CEP350: variants seen among roughly 807,000 people sequenced by gnomAD.
CEP350 encodes the protein centrosomal protein 350.
A neutral mutation model predicts 331.8 loss-of-function variants in CEP350; 126 were observed. The ratio of observed to expected loss-of-function variants is 0.38; its 90% CI spans 0.33 to 0.44. The LOEUF is 0.44. CEP350 is among the 20% of genes least tolerant of loss of function. CEP350 has a pLI of 1.00. For missense variants in CEP350, 3,406 were observed against 3,634.6 expected (o/e 0.94, Z 1.62); for synonymous variants, 1,200 against 1,259.5 (o/e 0.95, Z 1.00).
Position 180,094,224 on chromosome 1 carries a change from C to T in CEP350, c.8119C>T (p.Leu2707=), listed in dbSNP as rs1458477528. 1.7e-5 allele frequency: 28 copies of T among 1,612,932 alleles called. No individual in the cohort carries two copies. The highest frequency in any genetic ancestry group is 2.3e-5 in the Non-Finnish European group (27 of 1,179,500). ...QQQFTEEEDN[L]YAEASEKLCT... is the part of the protein sequence containing the mutation. ...GCAGTTTACAGAAGAGGAAGACAAC[C>T]TATATGCTGAAGCTTCAGAAAAGCT... Residue 2707 remains leucine (L), a synonymous_variant, in exon 34 of 38, where the codon CTA becomes TTA. Transcript: ENST00000367607.
At chr1:180,091,677 A>G (rs977363141) in intron 33 of CEP350, among the ~76,000 whole-genome samples, 6 of 152,078 alleles carry the variant, frequency 3.9e-5, no homozygotes, top group African/African-American at 1.2e-4. Flanking sequence ...CAAAACATAC[A>G]AAGTTAGCTG....
intron 25 of CEP350, among the ~76,000 whole-genome samples, chr1:180,057,945 G>T (rs1176442773): frequency 2.6e-5 from 4 of 152,152 alleles, no homozygotes; most frequent in Non-Finnish European, 5.9e-5. Flanking sequence ...CTTGACAACT[G>T]CTTTGAGGAG....
At chr1:179,972,332 A>G (rs189963150) in intron 1 of CEP350, among the ~76,000 whole-genome samples, 9 of 152,256 alleles carry the variant, frequency 5.9e-5, no homozygotes, top group Non-Finnish European at 1.5e-5. Context: ...TAAAAGGCAT[A>G]TGGAGAAAGA....
At chr1:180,024,948 G>A (rs1390724630) in intron 14 of CEP350, among the ~76,000 whole-genome samples, 4 of 148,080 alleles carry the variant, frequency 2.7e-5, no homozygotes, top group East Asian at 2.0e-4. Context: ...TTTTTGAGAC[G>A]GAGTCTCACT....
intron 4 of CEP350, among the ~76,000 whole-genome samples, chr1:179,990,841 T>C (rs1484199537): frequency 6.6e-6 from 1 of 152,216 alleles, no homozygotes; most frequent in Non-Finnish European, 1.5e-5. Flanking sequence ...ATTATAGGTG[T>C]AGCTACCACA....
Position 179,997,078 on chromosome 1 carries a change from T to A in CEP350, c.921T>A (p.Gly307=), listed in dbSNP as rs1571839756. 6.2e-7 allele frequency: 1 copy of A among 1,613,990 alleles called. No homozygotes were observed. The highest frequency in any genetic ancestry group is 2.2e-5 in the East Asian group (1 of 44,884). ...EETNGRGQKL[G]HIDHPVMVVN... is the part of the protein sequence containing the mutation. Reference sequence around the variant, plus strand: ...CAAATGGCCGGGGCCAGAAGCTGGGTCATATTGACCATCCAGTAATGGTTG... The same window carrying A: ...CAAATGGCCGGGGCCAGAAGCTGGGACATATTGACCATCCAGTAATGGTTG... Residue 307 remains glycine (G), a synonymous_variant, in exon 6 of 38, where the codon GGT becomes GGA. Transcript: ENST00000367607.
At chr1:180,105,623 A>G (rs955486221) in intron 37 of CEP350, among the ~76,000 whole-genome samples, 1 of 152,140 alleles carries the variant, frequency 6.6e-6, no homozygotes, top group African/African-American at 2.4e-5. Flanking sequence ...CTTTTTCTGC[A>G]TTTATTTAAA....
chr1:180,040,837 C>T (rs1656714989), intron 17 of CEP350, among the ~76,000 whole-genome samples: 1 of 151,818 alleles, frequency 6.6e-6, no homozygotes, highest in South Asian at 2.1e-4. Flanking sequence ...ATTTTTTATC[C>T]CTTCCAAAAA....
intron 8 of CEP350, among the ~76,000 whole-genome samples, chr1:180,010,702 A>G (rs780397657): frequency 6.6e-6 from 1 of 151,776 alleles, no homozygotes; most frequent in Non-Finnish European, 1.5e-5. Flanking sequence ...CTTGGGTTCA[A>G]GTGATCCTCC....
intron 29 of CEP350, 79 bp from the exon 30 acceptor site, chr1:180,080,438 T>C (rs1190662904): frequency 8.2e-7 from 1 of 1,212,756 alleles, no homozygotes; most frequent in African/African-American, 1.5e-5. Flanking sequence ...TATCTTTATA[T>C]GGCTAGTATG....
At chr1:180,009,329 G>A (rs1008623537) in intron 8 of CEP350, among the ~76,000 whole-genome samples, 2 of 152,186 alleles carry the variant, frequency 1.3e-5, no homozygotes, top group African/African-American at 4.8e-5. Context: ...TTTTTAAAAA[G>A]TATTGTGTTT....
At chr1:180,034,660 T>C (rs1021401936) in intron 16 of CEP350, among the ~76,000 whole-genome samples, 3 of 152,124 alleles carry the variant, frequency 2.0e-5, no homozygotes, top group Admixed American at 2.0e-4. Flanking sequence ...TCTTTGATGT[T>C]CCTGTTGTAT....
Position 180,020,356 on chromosome 1 carries a change from A to G in CEP350, c.2582A>G (p.Tyr861Cys), listed in dbSNP as rs1237763767. The G allele has an allele frequency of 1.9e-6, 3 of 1,613,730 alleles. No homozygotes were observed. Among genetic ancestry groups the G allele is most frequent in the African/African-American group, 1.3e-5 (1 of 74,948 alleles). Reference protein sequence around the residue: ...INYGSAWNTEYDVQQAPQEDG... With the variant: ...INYGSAWNTECDVQQAPQEDG... ...TATGGGTCAGCATGGAACACTGAGTATGATGTGCAGCAGGCACCTCAAGAA... is the reference window on the plus strand; with the variant it reads ...TATGGGTCAGCATGGAACACTGAGTGTGATGTGCAGCAGGCACCTCAAGAA... The change falls in exon 12 of 38, where the codon TAT becomes TGT. Residue 861 changes from tyrosine (Y) to cysteine (C), a missense_variant. Coordinates refer to ENST00000367607, the MANE Select transcript of CEP350 (RefSeq NM_014810.5).
chr1:179,973,270 C>T (rs995623300), intron 1 of CEP350, among the ~76,000 whole-genome samples: 7 of 152,226 alleles, frequency 4.6e-5, no homozygotes, highest in African/African-American at 1.7e-4. Flanking sequence ...AATCTATGTA[C>T]ATCATTCCCT....
chr1:180,034,102 TGTAATTTTTAGAATA>T lies in CEP350; in HGVS notation c.3946+21_3946+35del. 1 of 1,599,696 alleles carries T rather than the reference TGTAATTTTTAGAATA, an allele frequency of 6.3e-7. No individual in the cohort carries two copies. The highest frequency in any genetic ancestry group is 8.5e-7 in the Non-Finnish European group (1 of 1,172,054). ...TACCAGGTAAGTAGATTCATGCAAT[TGTAATTTTTAGAATA>T]CGATATGAAATTTTTTTCTCTCAAC... On this transcript the variant is annotated intron_variant, in intron 16 of 37. Coordinates refer to ENST00000367607, the MANE Select transcript of CEP350 (RefSeq NM_014810.5).
chr1:180,015,723 G>T, intron 10 of CEP350, 126 bp from the exon 11 acceptor site: 2 of 1,166,936 alleles, frequency 1.7e-6, no homozygotes, highest in South Asian at 3.6e-5. Flanking sequence ...GGTTTTGTTT[G>T]ACAAAAAAAA....
intron 37 of CEP350, among the ~76,000 whole-genome samples, chr1:180,104,607 T>G (rs909548765): frequency 2.0e-5 from 3 of 152,198 alleles, no homozygotes; most frequent in Non-Finnish European, 4.4e-5. Flanking sequence ...TACCACTTAT[T>G]AACATTGTGA....
At chr1:180,004,457 G>A (rs1158603330) in intron 7 of CEP350, among the ~76,000 whole-genome samples, 1 of 152,176 alleles carries the variant, frequency 6.6e-6, no homozygotes, top group African/African-American at 2.4e-5. Context: ...CATACTATGT[G>A]ATAACATGCT....
At chr1:180,059,270 T>C (rs565898400) in intron 25 of CEP350, among the ~76,000 whole-genome samples, 1 of 152,358 alleles carries the variant, frequency 6.6e-6, no homozygotes, top group East Asian at 1.9e-4. Flanking sequence ...ATTTTCTTAA[T>C]GATACTCTGT....
Sources: allele counts gnomAD v4.1 joint callset (sites outside exome capture counted in the v4.1 genomes callset), GRCh38; gene constraint gnomAD v4.1.1; transcripts MANE v1.5; gene names NCBI Gene and HGNC (gene_info 2026-07-23, HGNC 2026-07-21).